CABCOCO1: variants seen among roughly 807,000 people sequenced by gnomAD.
The protein encoded by CABCOCO1 is ciliary-associated calcium-binding coiled-coil protein 1.
In CABCOCO1, 28 loss-of-function variants were observed where a neutral mutation model predicts 35.7. The ratio of observed to expected loss-of-function variants is 0.78; its 90% confidence interval spans 0.58 to 1.07. The LOEUF (loss-of-function observed/expected upper bound fraction) is 1.07. Ranked by LOEUF, CABCOCO1 falls within the 50% of genes least tolerant of loss-of-function variation. CABCOCO1 has a pLI of 0.00. For synonymous variants in CABCOCO1, 95 were observed against 100.1 expected (o/e 0.95, Z 0.30); for missense variants, 326 against 309.2 (o/e 1.05, Z -0.41).
chr10:61,694,234 G>T (rs751246780), intron 5 of CABCOCO1, among the ~76,000 whole-genome samples: 1 of 149,316 alleles, frequency 6.7e-6, no homozygotes, highest in Non-Finnish European at 1.5e-5. Flanking sequence ...ATTTGAAAAT[G>T]TCACACTGTT....
At chr10:61,665,391 C>T (rs1839133914) in intron 1 of CABCOCO1, among the ~76,000 whole-genome samples, 1 of 152,124 alleles carries the variant, frequency 6.6e-6, no homozygotes, top group African/African-American at 2.4e-5. Context: ...GAGGAAATGC[C>T]TCCCTTTACA....
At chr10:61,744,661 T>A (rs1841618760) in intron 5 of CABCOCO1, among the ~76,000 whole-genome samples, 2 of 152,154 alleles carry the variant, frequency 1.3e-5, no homozygotes, top group African/African-American at 4.8e-5. Context: ...TTGGCTGGCA[T>A]ATCAGCCCTC....
intron 5 of CABCOCO1, among the ~76,000 whole-genome samples, chr10:61,716,591 C>A (rs926441223): frequency 6.6e-6 from 1 of 152,132 alleles, no homozygotes; most frequent in Non-Finnish European, 1.5e-5. Flanking sequence ...AATAGCTCTT[C>A]CATTTTCCCC....
At chr10:61,759,451 G>T (rs563637019) in intron 5 of CABCOCO1, among the ~76,000 whole-genome samples, 1 of 151,802 alleles carries the variant, frequency 6.6e-6, no homozygotes, top group Non-Finnish European at 1.5e-5. Context: ...TTAACCAACC[G>T]TCAGCCTCCT....
chr10:61,706,171 C>T (rs1268985729), intron 5 of CABCOCO1, among the ~76,000 whole-genome samples: 1 of 152,156 alleles, frequency 6.6e-6, no homozygotes, highest in Non-Finnish European at 1.5e-5. Flanking sequence ...ATACTTTCTA[C>T]CCAAGAACCC....
intron 5 of CABCOCO1, among the ~76,000 whole-genome samples, chr10:61,699,982 A>G (rs917159547): frequency 8.5e-5 from 13 of 152,160 alleles, no homozygotes; most frequent in Non-Finnish European, 1.8e-4. Flanking sequence ...ACACAAAGTT[A>G]TATTTGGAAA....
chr10:61,691,881 T>C (rs1211947624), intron 5 of CABCOCO1, among the ~76,000 whole-genome samples: 5 of 152,224 alleles, frequency 3.3e-5, no homozygotes, highest in Non-Finnish European at 7.3e-5. Flanking sequence ...ATTTTCTTTA[T>C]CCAGTCTATC....
At chr10:61,679,445 C>T (rs1216840147) in intron 2 of CABCOCO1, among the ~76,000 whole-genome samples, 2 of 152,122 alleles carry the variant, frequency 1.3e-5, no homozygotes, top group Non-Finnish European at 2.9e-5. Flanking sequence ...TGGAGCAGAT[C>T]CTTTCTGTAG....
chr10:61,673,135 T>C (rs557593878), intron 2 of CABCOCO1, among the ~76,000 whole-genome samples: 1 of 152,350 alleles, frequency 6.6e-6, no homozygotes, highest in South Asian at 2.1e-4. Flanking sequence ...TTTTATTATT[T>C]TGGAAATCTT....
chr10:61,703,723 TCA>T (rs151225441), intron 5 of CABCOCO1, among the ~76,000 whole-genome samples: 1 of 148,962 alleles, frequency 6.7e-6, no homozygotes, highest in Non-Finnish European at 1.5e-5. Flanking sequence ...TCTCTCTCTC[TCA>T]CACACACACA....
rs1841997434 is a variant in CABCOCO1, at chr10:61,760,946, T to C, written c.759T>C (p.Ile253=). 1 of 1,612,650 alleles carries C rather than the reference T, an allele frequency of 6.2e-7. No homozygotes were observed. Among genetic ancestry groups the C allele is most frequent in the African/African-American group, 1.3e-5 (1 of 74,804 alleles). The change falls in exon 7 of 8, where the codon ATT becomes ATC. Residue 253 remains isoleucine, a synonymous_variant. Transcript: ENST00000648843. ...SDMDPLVGFT[I]EDVKSVLDQV... ...TGGATCCTTTAGTTGGTTTTACCAT[T>C]GAAGATGTAAAATCAGTGCTGGATC...
intron 1 of CABCOCO1, chr10:61,663,250 C>G (rs1249752134): frequency 6.2e-6 from 1 of 162,396 alleles, no homozygotes; most frequent in Non-Finnish European, 1.4e-5. Context: ...CCAGCCGGCC[C>G]CGGCGCGCCG....
At chr10:61,720,250 G>A (rs1389208463) in intron 5 of CABCOCO1, among the ~76,000 whole-genome samples, 3 of 150,928 alleles carry the variant, frequency 2.0e-5, no homozygotes, top group Non-Finnish European at 4.4e-5. Context: ...CAATAAAAAT[G>A]CATCACCAAC....
intron 5 of CABCOCO1, among the ~76,000 whole-genome samples, chr10:61,696,431 T>C (rs1179321778): frequency 6.6e-6 from 1 of 152,100 alleles, no homozygotes; most frequent in African/African-American, 2.4e-5. Flanking sequence ...TGATGAAAAA[T>C]ACTGTGAATA....
chr10:61,728,019 A>T (rs1327179680), intron 5 of CABCOCO1, among the ~76,000 whole-genome samples: 2 of 152,188 alleles, frequency 1.3e-5, no homozygotes, highest in African/African-American at 2.4e-5. Flanking sequence ...TTTTATTTCT[A>T]GACGCTTAAA....
intron 5 of CABCOCO1, among the ~76,000 whole-genome samples, chr10:61,746,791 A>G (rs1841671759): frequency 6.6e-6 from 1 of 152,112 alleles, no homozygotes; most frequent in African/African-American, 2.4e-5. Context: ...GCTGTTTTGT[A>G]TATGTTGGAA....
intron 2 of CABCOCO1, among the ~76,000 whole-genome samples, chr10:61,672,940 T>C (rs4145020): frequency 0.13 from 19,749 of 152,214 alleles, 1,572 homozygotes; most frequent in East Asian, 0.23. Flanking sequence ...AGAAAATACA[T>C]TGCAAACCAA....
intron 7 of CABCOCO1, among the ~76,000 whole-genome samples, chr10:61,765,277 G>A (rs953107752): frequency 5.9e-5 from 9 of 152,192 alleles, no homozygotes; most frequent in African/African-American, 9.7e-5. Context: ...TAATGTGAAC[G>A]TATTTATGGA....
chr10:61,672,040 A>G (rs994109627), intron 1 of CABCOCO1, among the ~76,000 whole-genome samples: 3 of 152,188 alleles, frequency 2.0e-5, no homozygotes, highest in African/African-American at 7.2e-5. Flanking sequence ...TAACATTGTG[A>G]ACTGCTGATA....
Sources: gnomAD v4.1 joint callset for allele counts (sites outside exome capture counted in the v4.1 genomes callset) on GRCh38, gnomAD v4.1.1 for gene constraint, MANE v1.5 for transcripts, NCBI Gene and HGNC (gene_info 2026-07-23, HGNC 2026-07-21) for gene names.